The following SLC37A1 variants were observed in gnomAD, a reference collection of about 807,000 sequenced individuals.
SLC37A1 encodes the protein solute carrier family 37 member 1.
SLC37A1 carries 49 observed loss-of-function variants against 75.3 expected under a neutral mutation model. The ratio of observed to expected loss-of-function variants is 0.65; its 90% CI spans 0.52 to 0.83. The LOEUF is 0.83. SLC37A1 is among the 40% of genes least tolerant of loss of function. The pLI, the probability that SLC37A1 is intolerant of heterozygous loss-of-function variation, is 0.00. For missense variants in SLC37A1, 566 were observed against 695.0 expected (o/e 0.81, Z 2.09); for synonymous variants, 268 against 292.1 (o/e 0.92, Z 0.84).
At chr21:42,546,350 C>T (rs1185465636) in intron 8 of SLC37A1, among the ~76,000 whole-genome samples, 1 of 152,142 alleles carries the variant, frequency 6.6e-6, no homozygotes, top group Non-Finnish European at 1.5e-5. Flanking sequence ...TGTTCCATAT[C>T]AAGATAGATG....
At chr21:42,561,810 C>A in intron 11 of SLC37A1, 1 of 430,650 alleles carries the variant, frequency 2.3e-6, no homozygotes, top group Non-Finnish European at 4.2e-6. Context: ...TGACAGTGGC[C>A]GAGGAGCTGC....
chr21:42,510,287 A>T (rs1402014836), upstream of SLC37A1, among the ~76,000 whole-genome samples: 2 of 152,166 alleles, frequency 1.3e-5, no homozygotes, highest in East Asian at 3.8e-4. Context: ...CAGCCTCCCA[A>T]AGTGCTGGGA....
chr21:42,506,251 CT>C (rs999730201), intron 2 of SLC37A1, among the ~76,000 whole-genome samples: 5 of 152,278 alleles, frequency 3.3e-5, no homozygotes, highest in African/African-American at 1.2e-4. Context: ...CCTCTATTAA[CT>C]TTGTGTCAAA....
chr21:42,520,196 A>G (rs755921168), intron 2 of SLC37A1, among the ~76,000 whole-genome samples: 20 of 152,232 alleles, frequency 1.3e-4, no homozygotes, highest in Non-Finnish European at 2.8e-4. Context: ...GTTAAAAACA[A>G]TATCAAATGT....
chr21:42,559,021 G>A lies in SLC37A1; in HGVS notation c.913G>A (p.Val305Ile), dbSNP rs111605842. 3.8e-3 allele frequency: 6,099 copies of A among 1,613,786 alleles called. 226 individuals carry two copies. In the African/African-American group the frequency reaches 0.072, roughly 19 times the overall value. The change falls in exon 11 of 20, where the codon GTC becomes ATC. Residue 305 changes from valine to isoleucine, a missense_variant. Physicochemically the swap from Val to Ile is conservative, Grantham distance 29. Transcript: ENST00000352133. ...GGGCTCCATCCACCCGAACCACGTC[G>A]TCATTCTCCCCGGGGACGGTGGGAG... ...GKGSIHPNHV[V>I]ILPGDGGSGT...
At chr21:42,542,504 C>T in intron 7 of SLC37A1, 24 bp downstream of exon 7, 8 of 1,612,490 alleles carry the variant, frequency 5.0e-6, no homozygotes, top group Non-Finnish European at 6.8e-6. Flanking sequence ...GCCCTGTTTC[C>T]AATAGCAGAT....
chr21:42,579,607 C>A, intron 18 of SLC37A1, 129 bp from the exon 19 acceptor site: 3 of 499,576 alleles, frequency 6.0e-6, no homozygotes, highest in South Asian at 2.5e-5. Flanking sequence ...GGAGGCCACC[C>A]CAGGGAAGGT....
chr21:42,504,242 A>C (rs2054365122), intron 2 of SLC37A1, among the ~76,000 whole-genome samples: 1 of 152,154 alleles, frequency 6.6e-6, no homozygotes, highest in Non-Finnish European at 1.5e-5. Flanking sequence ...GATGGCTAGA[A>C]ATGGGGACAT....
At chr21:42,528,251 GGTGTTATAA>G (rs1474340015) in intron 3 of SLC37A1, among the ~76,000 whole-genome samples, 2 of 152,142 alleles carry the variant, frequency 1.3e-5, no homozygotes, top group Non-Finnish European at 2.9e-5. Context: ...GGAGGATAGT[GGTGTTATAA>G]GTGCAACCCT....
chr21:42,533,115 G>T (rs58547031), intron 3 of SLC37A1, among the ~76,000 whole-genome samples: 16,517 of 152,160 alleles, frequency 0.11, 1,109 homozygotes, highest in African/African-American at 0.19. Flanking sequence ...CAGGACTTCC[G>T]GCTGCTGCCT....
intron 3 of SLC37A1, among the ~76,000 whole-genome samples, chr21:42,530,628 ACACACACACACACACACACACACACACC>A (rs774706678): frequency 0.088 from 10,243 of 116,814 alleles, 514 homozygotes; most frequent in Middle Eastern, 0.12. Flanking sequence ...ACACACACAC[ACACACACACACACACACACACACACACC>A]CCCTCTGTGT....
At chr21:42,560,210 A>C (rs1038859915) in intron 11 of SLC37A1, among the ~76,000 whole-genome samples, 1 of 152,198 alleles carries the variant, frequency 6.6e-6, no homozygotes, top group Non-Finnish European at 1.5e-5. Flanking sequence ...CAGAGAATCT[A>C]AGGAGCTGTG....
chr21:42,572,735 G>C (rs140598386), intron 17 of SLC37A1, among the ~76,000 whole-genome samples: 5 of 146,110 alleles, frequency 3.4e-5, no homozygotes, highest in African/African-American at 1.0e-4. Context: ...TGGCTCTCTG[G>C]GGGGAGGTTC....
chr21:42,580,284 G>C, intron 19 of SLC37A1, 61 bp from the exon 20 acceptor site: 1 of 1,585,474 alleles, frequency 6.3e-7, no homozygotes, highest in Non-Finnish European at 8.6e-7. Context: ...GTGAAGTTCA[G>C]CATCTCTTGC....
chr21:42,503,500 C>T (rs1296306609), intron 2 of SLC37A1, among the ~76,000 whole-genome samples: 2 of 152,124 alleles, frequency 1.3e-5, no homozygotes, highest in African/African-American at 2.4e-5. Context: ...CCACTCACCT[C>T]AGCCTCCCAA....
At chr21:42,558,620 A>G (rs1041943504) in intron 10 of SLC37A1, among the ~76,000 whole-genome samples, 1 of 152,194 alleles carries the variant, frequency 6.6e-6, no homozygotes, top group South Asian at 2.1e-4. Flanking sequence ...ACAAGATGTC[A>G]TTCGTATGGA....
At chr21:42,576,479 A>G (rs2056312641) in intron 18 of SLC37A1, among the ~76,000 whole-genome samples, 1 of 152,230 alleles carries the variant, frequency 6.6e-6, no homozygotes, top group Non-Finnish European at 1.5e-5. Flanking sequence ...ACACCCTACA[A>G]AAGATGAGCT....
chr21:42,517,494 A>G (rs140884860), intron 1 of SLC37A1, among the ~76,000 whole-genome samples: 2 of 152,312 alleles, frequency 1.3e-5, no homozygotes, highest in African/African-American at 2.4e-5. Flanking sequence ...GAGAATGTGC[A>G]TTTTTGGAAG....
chr21:42,522,708 G>T (rs557056008), intron 2 of SLC37A1, among the ~76,000 whole-genome samples: 7 of 152,346 alleles, frequency 4.6e-5, no homozygotes, highest in Non-Finnish European at 1.0e-4. Context: ...CCAGTTTGCT[G>T]TGTAAATGGA....
Sources: allele counts gnomAD v4.1 joint callset (sites outside exome capture counted in the v4.1 genomes callset), GRCh38; gene constraint gnomAD v4.1.1; transcripts MANE v1.5; gene names NCBI Gene and HGNC (gene_info 2026-07-23, HGNC 2026-07-21).